Variants in IGSF11 observed in about 807,000 individuals in gnomAD.
IGSF11 encodes CXADR like 1.
A neutral mutation model predicts 41.0 loss-of-function variants in IGSF11; 22 were observed. That is an observed-to-expected ratio of 0.54 (90% confidence interval 0.38 to 0.77). The LOEUF (loss-of-function observed/expected upper bound fraction) is 0.77, where lower values mean the gene tolerates loss of function less well. Among genes scored for constraint, IGSF11 ranks in the 30% least tolerant of loss-of-function variants. The pLI, the probability that IGSF11 is intolerant of heterozygous loss-of-function variation, is 0.00. For synonymous variants in IGSF11, 219 were observed against 201.3 expected (o/e 1.09, Z -0.74); for missense variants, 444 against 530.8 (o/e 0.84, Z 1.61).
intron 1 of IGSF11, among the ~76,000 whole-genome samples, chr3:119,045,027 A>G (rs986928735): frequency 3.9e-5 from 6 of 152,258 alleles, no homozygotes; most frequent in African/African-American, 1.4e-4. Flanking sequence ...AATCAGCATG[A>G]TGAATAGAAC....
rs113516711 is a variant in IGSF11, at chr3:118,941,702, A to T, written c.53-11427T>A. Among the ~76,000 whole-genome samples, 1,294 of 152,316 alleles carry T rather than the reference A, an allele frequency of 8.5e-3. 25 individuals are homozygous for T. Among genetic ancestry groups the T allele is most frequent in the African/African-American group, 0.03 (1,239 of 41,574 alleles). On this transcript the variant is annotated intron_variant, in intron 1 of 6. Coordinates refer to ENST00000393775, the MANE Select transcript of IGSF11 (RefSeq NM_001015887.3). ...TGCATCTTTATTTGTAATAGCCAAA[A>T]TACCAGACACAACTCAAATGCCCAT...
chr3:118,960,599 T>G (rs1205930456), intron 1 of IGSF11, among the ~76,000 whole-genome samples: 2 of 152,168 alleles, frequency 1.3e-5, no homozygotes, highest in African/African-American at 4.8e-5. Flanking sequence ...ATATACAATT[T>G]ATTTCAGACA....
At chr3:118,990,533 T>C (rs1256031556) in intron 1 of IGSF11, among the ~76,000 whole-genome samples, 2 of 152,114 alleles carry the variant, frequency 1.3e-5, no homozygotes, top group Admixed American at 6.6e-5. Context: ...GGGAATGAAA[T>C]ACAAAATTCT....
intron 1 of IGSF11, among the ~76,000 whole-genome samples, chr3:119,029,173 T>TACACACACACAC (rs66598029): frequency 0.021 from 2,296 of 111,506 alleles, 53 homozygotes; most frequent in South Asian, 0.048. Flanking sequence ...TTGGGGATAA[T>TACACACACACAC]ACACACACAC....
intron 1 of IGSF11, among the ~76,000 whole-genome samples, chr3:119,096,982 T>G (rs1576794371): frequency 6.6e-6 from 1 of 152,208 alleles, no homozygotes; most frequent in Admixed American, 6.5e-5. Flanking sequence ...ACCAAGTTTT[T>G]CTCATGCTGC....
chr3:119,009,408 T>C (rs1372447971), intron 1 of IGSF11, among the ~76,000 whole-genome samples: 1 of 152,078 alleles, frequency 6.6e-6, no homozygotes, highest in Non-Finnish European at 1.5e-5. Context: ...TGGGAGGTGA[T>C]TGGATCATGG....
At chr3:118,925,737 C>T (rs79745167) in intron 4 of IGSF11, among the ~76,000 whole-genome samples, 2,797 of 152,210 alleles carry the variant, frequency 0.018, 38 homozygotes, top group Non-Finnish European at 0.029. Flanking sequence ...ACTATGCTCA[C>T]GTTTCTCCTA....
At chr3:119,049,576 A>G (rs1364597068) in intron 1 of IGSF11, among the ~76,000 whole-genome samples, 2 of 150,574 alleles carry the variant, frequency 1.3e-5, no homozygotes, top group Non-Finnish European at 3.0e-5. Flanking sequence ...ATACTGCCCA[A>G]GGTAATTTAT....
At chr3:118,942,943 C>G (rs1943817936) in intron 1 of IGSF11, 1 of 152,178 alleles carries the variant, frequency 6.6e-6, no homozygotes, top group African/African-American at 2.4e-5. Context: ...GGAAGTTGGC[C>G]AAGTTCCTTG....
chr3:118,902,447 T>TTGC lies in IGSF11; in HGVS notation c.*72_*73insGCA. On this transcript the variant is annotated 3_prime_UTR_variant, in exon 7 of 7. Coordinates refer to ENST00000393775, the MANE Select transcript of IGSF11 (RefSeq NM_001015887.3). ...TAAGGAAGTGTTTCTTTCCCAGCAC[T>TTGC]CCCCACCCCACCCTCCCCCTTGTAT... The TTGC allele has an allele frequency of 1.8e-6, 1 of 563,916 alleles. No homozygotes were observed. Among genetic ancestry groups the TTGC allele is most frequent in the Non-Finnish European group, 3.4e-6 (1 of 298,020 alleles). The allele number at this position is 563,916 out of a possible 1,614,324, so 34.9% of individuals were successfully genotyped here. A position where few individuals can be genotyped will look rare whatever the true frequency, so the allele number is the denominator to read the frequency against.
rs114366235 is a variant in IGSF11 at position 119,022,871 on chromosome 3, G to A, written c.52+11660C>T. On this transcript the variant is annotated intron_variant, in intron 1 of 6. Transcript: ENST00000393775. ...AAATATATGCAATTTGTTTCATAGG[G>A]ATATACCCAACAGAAATGCATTCTG... Among the ~76,000 whole-genome samples, 1,395 of 152,068 alleles carry A rather than the reference G, an allele frequency of 9.2e-3. 6 individuals are homozygous for A. The highest frequency in any genetic ancestry group is 0.017 in the Middle Eastern group (5 of 294).
chr3:118,920,076 C>G (rs1941600346), intron 4 of IGSF11, among the ~76,000 whole-genome samples: 1 of 129,608 alleles, frequency 7.7e-6, no homozygotes. Context: ...CACCTGGACA[C>G]ATGAAGGGGA....
intron 1 of IGSF11, among the ~76,000 whole-genome samples, chr3:119,120,329 G>A (rs1456344829): frequency 6.6e-6 from 1 of 152,196 alleles, no homozygotes; most frequent in Non-Finnish European, 1.5e-5. Flanking sequence ...CTACAACACA[G>A]CAAGGAATCA....
At chr3:119,034,928 C>G (rs1000433354), upstream of IGSF11, 11 of 833,294 alleles carry the variant, frequency 1.3e-5, no homozygotes, top group Middle Eastern at 2.5e-3. Context: ...CTCCTCGCCG[C>G]GCCGCCCACT....
chr3:118,911,460 A>G (rs972515084), intron 4 of IGSF11, among the ~76,000 whole-genome samples: 2 of 152,172 alleles, frequency 1.3e-5, no homozygotes, highest in African/African-American at 4.8e-5. Context: ...TCACACCTAT[A>G]GTCCCAGCAC....
chr3:118,992,808 T>G (rs1044992273), intron 1 of IGSF11, among the ~76,000 whole-genome samples: 1 of 152,212 alleles, frequency 6.6e-6, no homozygotes, highest in East Asian at 1.9e-4. Flanking sequence ...GGTTCAACTT[T>G]ATGAAAATTA....
chr3:119,051,149 TAATTAATA>T (rs1198900085), intron 1 of IGSF11, among the ~76,000 whole-genome samples: 3 of 149,386 alleles, frequency 2.0e-5, no homozygotes, highest in South Asian at 2.1e-4. Context: ...AGTATAATAA[TAATTAATA>T]AATAAATAAA....
intron 1 of IGSF11, among the ~76,000 whole-genome samples, chr3:118,971,664 C>T (rs749524592): frequency 2.0e-5 from 3 of 151,890 alleles, no homozygotes; most frequent in Admixed American, 1.3e-4. Context: ...ATTAGCCAGG[C>T]GTGGTGGCAG....
chr3:118,916,312 G>A (rs371528749), intron 4 of IGSF11, among the ~76,000 whole-genome samples: 13 of 152,164 alleles, frequency 8.5e-5, no homozygotes, highest in East Asian at 3.9e-4. Flanking sequence ...ACAGACTGGC[G>A]AGTTGGATAA....
Sources: gnomAD v4.1 joint callset for allele counts (sites outside exome capture counted in the v4.1 genomes callset) on GRCh38, gnomAD v4.1.1 for gene constraint, MANE v1.5 for transcripts, NCBI Gene and HGNC (gene_info 2026-07-23, HGNC 2026-07-21) for gene names.